The following NALCN variants were observed in gnomAD, a reference collection of about 807,000 sequenced individuals.
NALCN encodes sodium leak channel NALCN.
NALCN carries 111 observed loss-of-function variants against 225.3 expected under a neutral mutation model. The observed-to-expected ratio is 0.49, with a 90% CI of 0.42 to 0.58. The LOEUF is 0.58. Among genes scored for constraint, NALCN ranks in the 20% least tolerant of loss-of-function variants. The probability of loss-of-function intolerance (pLI) is 0.00; values close to 1 mark genes in which losing one functional copy is unlikely to be tolerated. For synonymous variants in NALCN, 764 were observed against 769.0 expected (o/e 0.99, Z 0.11); for missense variants, 1,378 against 2,202.4 (o/e 0.63, Z 7.49).
rs1555372632 is a variant in NALCN, at chr13:101,058,674, T to TG, written c.4906-619dup. On this transcript the variant is annotated intron_variant, in intron 42 of 43. Coordinates refer to ENST00000251127, the MANE Select transcript of NALCN (RefSeq NM_052867.4). Reference sequence around the variant, plus strand: ...TTTAGTATCCTTTTTTTTTTTTTTTTGTCACCTCTTTCTTTCTTAGGCTTT... The same window carrying TG: ...TTTAGTATCCTTTTTTTTTTTTTTTTGGTCACCTCTTTCTTTCTTAGGCTTT... 5 of 141,076 alleles carry TG rather than the reference T, an allele frequency of 3.5e-5. No individual in the cohort carries two copies. The East Asian group carries it at 9.8e-4, about 28-fold the overall frequency. 8.7% of individuals were successfully genotyped at this position (141,076 alleles called of 1,614,324 possible).
In NALCN at chr13:101,208,257, G is replaced by GT. The variant is rs563067572; in HGVS notation, c.1627-16204dup. 2.2e-4 allele frequency among the ~76,000 whole-genome samples: 33 copies of GT among 152,220 alleles called. No homozygotes were observed. In the East Asian group the frequency reaches 4.3e-3, roughly 20 times the overall value. On this transcript the variant is annotated intron_variant, in intron 13 of 43. Transcript: ENST00000251127. Reference sequence around the variant, plus strand: ...TCCAGATGTGCCACCTTTATGAACTGTAACACTCATCACAGAGGTCTGCAG... The same window carrying GT: ...TCCAGATGTGCCACCTTTATGAACTGTTAACACTCATCACAGAGGTCTGCAG...
chr13:101,225,476 T>C (rs762753150), intron 13 of NALCN, among the ~76,000 whole-genome samples: 12 of 152,208 alleles, frequency 7.9e-5, no homozygotes, highest in Non-Finnish European at 1.8e-4. Context: ...GGGCTTGGAT[T>C]GGGAGCAGGC....
intron 15 of NALCN, among the ~76,000 whole-genome samples, chr13:101,175,280 T>A (rs2038913894): frequency 6.6e-6 from 1 of 151,600 alleles, no homozygotes; most frequent in Non-Finnish European, 1.5e-5. Context: ...TCCTTGTTGA[T>A]ACCCTCTGTT....
chr13:101,205,848 G>A (rs976910026), intron 13 of NALCN, among the ~76,000 whole-genome samples: 6 of 151,886 alleles, frequency 4.0e-5, no homozygotes, highest in East Asian at 1.9e-4. Flanking sequence ...ACAGTGCTTC[G>A]AAAAACACAG....
At chr13:101,217,067 C>T (rs1392104346) in intron 13 of NALCN, among the ~76,000 whole-genome samples, 1 of 152,104 alleles carries the variant, frequency 6.6e-6, no homozygotes, top group Non-Finnish European at 1.5e-5. Flanking sequence ...AATAAAGGTA[C>T]AGAGCTGGTT....
chr13:101,100,294 C>T (rs2034737454), intron 27 of NALCN, among the ~76,000 whole-genome samples: 1 of 152,086 alleles, frequency 6.6e-6, no homozygotes, highest in Non-Finnish European at 1.5e-5. Flanking sequence ...GCTAAGACCT[C>T]AAGGGAAAGT....
intron 3 of NALCN, among the ~76,000 whole-genome samples, chr13:101,387,452 ACTATGAAAAGTGTAAC>A (rs1200017592): frequency 2.0e-4 from 30 of 152,212 alleles, no homozygotes; most frequent in Non-Finnish European, 3.8e-4. Context: ...GTGAAAACTT[ACTATGAAAAGTGTAAC>A]CTGAAGATTA....
At position 101,346,087 on chromosome 13, in the gene NALCN, C is replaced by CTCTCTCTCTATATATATATA; in HGVS notation, c.645-668_645-667insTATATATATATAGAGAGAGA. ...TCTCTCTCTCTCTCTCTCTCTCTCT[C>CTCTCTCTCTATATATATATA]TATATATATATATATATATATATAT... is the stretch of plus-strand genomic sequence containing the variant. On this transcript the variant is annotated intron_variant, in intron 6 of 43. Coordinates refer to ENST00000251127, the MANE Select transcript of NALCN (RefSeq NM_052867.4). 3.2e-3 allele frequency among the ~76,000 whole-genome samples: 230 copies of CTCTCTCTCTATATATATATA among 70,892 alleles called. 1 individual carries two copies. The highest frequency in any genetic ancestry group is 3.8e-3 in the Non-Finnish European group (141 of 37,500). 46.5% of individuals were successfully genotyped at this position (70,892 alleles called of 152,430 possible). A position where few individuals can be genotyped will look rare whatever the true frequency, so the allele number is the denominator to read the frequency against.
intron 7 of NALCN, among the ~76,000 whole-genome samples, chr13:101,335,481 T>A (rs1038831712): frequency 2.6e-5 from 4 of 152,170 alleles, no homozygotes; most frequent in African/African-American, 9.7e-5. Flanking sequence ...CCTCATAGGA[T>A]GTTTCTTGAT....
chr13:101,188,159 T>C (rs61456777), intron 14 of NALCN, among the ~76,000 whole-genome samples: 18,086 of 152,102 alleles, frequency 0.12, 1,478 homozygotes, highest in African/African-American at 0.22. Context: ...AGGGAACTGA[T>C]AAACAAATAT....
chr13:101,258,386 C>T (rs2042309210), intron 11 of NALCN, 57 bp downstream of exon 11: 9 of 1,605,742 alleles, frequency 5.6e-6, no homozygotes, highest in Non-Finnish European at 7.7e-6. Context: ...CTAAGAGGCA[C>T]TGTCCGCGGT....
At chr13:101,282,746 A>G (rs2043209467) in intron 10 of NALCN, among the ~76,000 whole-genome samples, 1 of 152,190 alleles carries the variant, frequency 6.6e-6, no homozygotes, top group Non-Finnish European at 1.5e-5. Flanking sequence ...CTGTGTACAT[A>G]TATCAAATCA....
rs1353445716 is a variant in NALCN at position 101,293,469 on chromosome 13, C to T, written c.800-1103G>A. Among the ~76,000 whole-genome samples the T allele has an allele frequency of 2.0e-5, 3 of 152,184 alleles. No individual in the cohort carries two copies. In the East Asian group the frequency reaches 5.8e-4, roughly 29 times the overall value. On this transcript the variant is annotated intron_variant, in intron 7 of 43. Coordinates refer to ENST00000251127, the MANE Select transcript of NALCN (RefSeq NM_052867.4). ...TAAATATAAGTTGTTATTCATAAAA[C>T]TGGTAAACATTTGTACCTCAATAAA...
chr13:101,301,703 A>G (rs901487308), intron 7 of NALCN, among the ~76,000 whole-genome samples: 1 of 151,062 alleles, frequency 6.6e-6, no homozygotes, highest in African/African-American at 2.4e-5. Context: ...CCTCGGGGAC[A>G]GAGCAAGACT....
At chr13:101,332,007 A>G (rs1475250996) in intron 7 of NALCN, among the ~76,000 whole-genome samples, 1 of 152,176 alleles carries the variant, frequency 6.6e-6, no homozygotes, top group Non-Finnish European at 1.5e-5. Context: ...GGTTGTGGTC[A>G]TTGGACTCCC....
At chr13:101,337,371 C>T (rs1361571110) in intron 7 of NALCN, among the ~76,000 whole-genome samples, 4 of 151,736 alleles carry the variant, frequency 2.6e-5, no homozygotes, top group Non-Finnish European at 5.9e-5. Flanking sequence ...TTCAGTGGCT[C>T]AATCTCGGCT....
intron 7 of NALCN, among the ~76,000 whole-genome samples, chr13:101,340,551 C>T (rs529907107): frequency 6.6e-6 from 1 of 152,140 alleles, no homozygotes; most frequent in African/African-American, 2.4e-5. Context: ...CTCAGTTGCT[C>T]TTTACATTAA....
chr13:101,284,450 C>T (rs887608900), intron 9 of NALCN, among the ~76,000 whole-genome samples: 1 of 152,052 alleles, frequency 6.6e-6, no homozygotes, highest in Admixed American at 6.5e-5. Flanking sequence ...GACAGTCTTC[C>T]ACTCCCTGGC....
chr13:101,083,951 T>G (rs995493253), intron 30 of NALCN, 147 bp from the exon 31 acceptor site: 2 of 658,052 alleles, frequency 3.0e-6, no homozygotes, highest in African/African-American at 3.7e-5. Flanking sequence ...AGAAACATGG[T>G]CAGAATGCTC....
Sources: allele counts gnomAD v4.1 joint callset (sites outside exome capture counted in the v4.1 genomes callset), GRCh38; gene constraint gnomAD v4.1.1; transcripts MANE v1.5; gene names NCBI Gene and HGNC (gene_info 2026-07-23, HGNC 2026-07-21).